The following DIP2C variants were observed in gnomAD, a reference collection of about 807,000 sequenced individuals.
DIP2C encodes disco-interacting protein 2 homolog C.
Under a neutral mutation model 192.4 loss-of-function variants are expected in DIP2C, and 33 were observed. The ratio of observed to expected loss-of-function variants is 0.17; its 90% confidence interval spans 0.13 to 0.23. The LOEUF is 0.23. Among genes scored for constraint, DIP2C ranks in the 10% least tolerant of loss-of-function variants. DIP2C has a pLI of 1.00. For synonymous variants in DIP2C, 979 were observed against 864.1 expected, an observed-to-expected ratio of 1.13 and a Z score of -2.33; for missense variants, 1,537 against 2,110.1, an observed-to-expected ratio of 0.73 and a Z score of 5.32.
At chr10:670,371 C>CGTGT (rs1830572591) in intron 1 of DIP2C, among the ~76,000 whole-genome samples, 1 of 152,120 alleles carries the variant, frequency 6.6e-6, no homozygotes, top group African/African-American at 2.4e-5. Context: ...TACACACATG[C>CGTGT]ACACACATGC....
chr10:509,990 A>C (rs1419338459), intron 1 of DIP2C, among the ~76,000 whole-genome samples: 1 of 152,270 alleles, frequency 6.6e-6, no homozygotes, highest in African/African-American at 2.4e-5. Context: ...ACTTCAGCCC[A>C]GGGCTCAGGA....
intron 1 of DIP2C, among the ~76,000 whole-genome samples, chr10:524,665 TA>T (rs1161745545): frequency 6.6e-6 from 1 of 152,192 alleles, no homozygotes; most frequent in Non-Finnish European, 1.5e-5. Flanking sequence ...CGTTTTATTT[TA>T]AAAACAAAGA....
At chr10:574,248 C>T (rs965208509) in intron 1 of DIP2C, among the ~76,000 whole-genome samples, 1 of 152,134 alleles carries the variant, frequency 6.6e-6, no homozygotes, top group African/African-American at 2.4e-5. Flanking sequence ...GGGCATTTCA[C>T]AAAGATTTTG....
intron 29 of DIP2C, among the ~76,000 whole-genome samples, chr10:337,250 T>TTC (rs1554822614): frequency 2.0e-3 from 10 of 4,928 alleles, no homozygotes; most frequent in Admixed American, 5.2e-3. Flanking sequence ...TGTGTGTGTG[T>TTC]TGTGGAGGCC....
chr10:510,920 G>A (rs1006606283), intron 1 of DIP2C, among the ~76,000 whole-genome samples: 1 of 152,108 alleles, frequency 6.6e-6, no homozygotes, highest in Non-Finnish European at 1.5e-5. Context: ...GTCATACGGG[G>A]GCACAAACAT....
intron 1 of DIP2C, among the ~76,000 whole-genome samples, chr10:578,212 TAACA>T (rs1219806703): frequency 1.3e-5 from 2 of 152,228 alleles, no homozygotes; most frequent in African/African-American, 4.8e-5. Context: ...TTTTCAACGT[TAACA>T]AAGAAGATAC....
At position 645,658 on chromosome 10, in the gene DIP2C, T is replaced by C. The variant is rs1435929497; in HGVS notation, c.85+43836A>G. On this transcript the variant is annotated intron_variant, in intron 1 of 36. Transcript: ENST00000280886. Reference sequence around the variant, plus strand: ...ACTCTTTTTAACAAGAAAGGTGCTTTTAAAGTCACTGTAAACAATTATATA... The same window carrying C: ...ACTCTTTTTAACAAGAAAGGTGCTTCTAAAGTCACTGTAAACAATTATATA... 2.6e-5 allele frequency among the ~76,000 whole-genome samples: 4 copies of C among 152,216 alleles called. No homozygotes were observed. The East Asian group carries it at 5.8e-4, about 22-fold the overall frequency.
At chr10:293,912 G>C (rs545220685) in intron 32 of DIP2C, among the ~76,000 whole-genome samples, 92 of 152,140 alleles carry the variant, frequency 6.0e-4, no homozygotes, top group Non-Finnish European at 1.2e-3. Flanking sequence ...AAGAAGATCT[G>C]GATCAGGGAA....
At chr10:612,032 A>C (rs1447261020) in intron 1 of DIP2C, among the ~76,000 whole-genome samples, 6 of 152,156 alleles carry the variant, frequency 3.9e-5, no homozygotes, top group Non-Finnish European at 2.9e-5. Flanking sequence ...GCGGTGGCTC[A>C]CGCCTGTCAT....
intron 1 of DIP2C, among the ~76,000 whole-genome samples, chr10:640,745 AAGAGGGTGGGCGCCG>A (rs1855144860): frequency 6.7e-6 from 1 of 148,906 alleles, no homozygotes; most frequent in African/African-American, 2.5e-5. Flanking sequence ...GGGCGCCGGG[AAGAGGGTGGGCGCCG>A]GGAAGAGGGT....
intron 2 of DIP2C, among the ~76,000 whole-genome samples, chr10:484,238 G>T (rs768148054): frequency 6.6e-6 from 1 of 152,192 alleles, no homozygotes; most frequent in Non-Finnish European, 1.5e-5. Context: ...TGAAATTCCT[G>T]TATTCAAAAT....
At chr10:342,714 T>C (rs1958217521) in intron 28 of DIP2C, among the ~76,000 whole-genome samples, 1 of 152,160 alleles carries the variant, frequency 6.6e-6, no homozygotes, top group Non-Finnish European at 1.5e-5. Context: ...CAGGTCCTCC[T>C]ACACTCCAGG....
intron 4 of DIP2C, chr10:438,028 G>A (rs78126370): frequency 6.6e-6 from 1 of 152,220 alleles, no homozygotes; most frequent in Admixed American, 6.5e-5. Context: ...TGATATTTAT[G>A]ATTGTACAAA....
At chr10:420,093 C>T (rs775967525) in intron 5 of DIP2C, among the ~76,000 whole-genome samples, 4 of 152,240 alleles carry the variant, frequency 2.6e-5, no homozygotes, top group Admixed American at 1.3e-4. Context: ...CACTGTCCCA[C>T]GCAACAGAAG....
chr10:417,184 AAT>A (rs1965698711), intron 6 of DIP2C, among the ~76,000 whole-genome samples: 4 of 152,170 alleles, frequency 2.6e-5, no homozygotes, highest in African/African-American at 9.7e-5. Flanking sequence ...TCTCAAGCTT[AAT>A]TTGGCAGATG....
chr10:687,334 C>T (rs1265512004), intron 1 of DIP2C, among the ~76,000 whole-genome samples: 1 of 152,188 alleles, frequency 6.6e-6, no homozygotes, highest in African/African-American at 2.4e-5. Flanking sequence ...GCACTACCCC[C>T]ATAAACTCAA....
intron 3 of DIP2C, among the ~76,000 whole-genome samples, chr10:452,331 G>A (rs1216206182): frequency 6.6e-6 from 1 of 152,072 alleles, no homozygotes; most frequent in Non-Finnish European, 1.5e-5. Flanking sequence ...TAGCGCTAAG[G>A]GGTCTTCTCA....
intron 1 of DIP2C, among the ~76,000 whole-genome samples, chr10:587,547 T>C (rs1463216544): frequency 1.3e-5 from 2 of 152,158 alleles, no homozygotes; most frequent in Admixed American, 1.3e-4. Flanking sequence ...CCTCAAGACA[T>C]TGATCAATAA....
rs113653283 is a variant in DIP2C, at chr10:328,808, A to C, written c.3753+625T>G. On this transcript the variant is annotated intron_variant, in intron 30 of 36. Coordinates refer to ENST00000280886, the MANE Select transcript of DIP2C (RefSeq NM_014974.3). Reference sequence around the variant, plus strand: ...ATCCAAAGAGTACAAAGTCAGTTGAAATTTTATCAAAACTGGTCAGATGAT... The same window carrying C: ...ATCCAAAGAGTACAAAGTCAGTTGACATTTTATCAAAACTGGTCAGATGAT... Among the ~76,000 whole-genome samples the C allele has an allele frequency of 6.3e-3, 959 of 152,332 alleles. 8 individuals are homozygous for C. Among genetic ancestry groups the C allele is most frequent in the Non-Finnish European group, 0.011 (718 of 68,032 alleles).
Sources: gnomAD v4.1 joint callset for allele counts (sites outside exome capture counted in the v4.1 genomes callset) on GRCh38, gnomAD v4.1.1 for gene constraint, MANE v1.5 for transcripts, NCBI Gene and HGNC (gene_info 2026-07-23, HGNC 2026-07-21) for gene names.